TOMM20: variants seen among roughly 807,000 people sequenced by gnomAD.
TOMM20 encodes mitochondrial import receptor subunit TOM20 homolog.
A neutral mutation model predicts 22.1 loss-of-function variants in TOMM20; 10 were observed. That is an observed-to-expected ratio of 0.45 (90% confidence interval 0.28 to 0.77). The LOEUF (loss-of-function observed/expected upper bound fraction) is 0.77. Among genes scored for constraint, TOMM20 ranks in the 30% least tolerant of loss-of-function variants. The probability of loss-of-function intolerance (pLI) is 0.13; values close to 1 mark genes in which losing one functional copy is unlikely to be tolerated. For synonymous variants in TOMM20, 55 were observed against 61.4 expected, an observed-to-expected ratio of 0.90 and a Z score of 0.49; for missense variants, 121 against 172.2, an observed-to-expected ratio of 0.70 and a Z score of 1.66.
intron 4 of TOMM20, among the ~76,000 whole-genome samples, chr1:235,112,668 A>T (rs923467430): frequency 6.6e-6 from 1 of 152,156 alleles, no homozygotes; most frequent in Non-Finnish European, 1.5e-5. Flanking sequence ...CTAAAACCAA[A>T]AAGATTTTAA....
chr1:235,128,060 G>C, intron 1 of TOMM20: 1 of 344,888 alleles, frequency 2.9e-6, no homozygotes, highest in Non-Finnish European at 5.8e-6. Context: ...TGTAATCCCA[G>C]CTACTGGGGA....
rs560996637 is a variant in TOMM20, at chr1:235,126,368, T to G, written c.121+2227A>C. Among the ~76,000 whole-genome samples, 23 of 151,684 alleles carry G rather than the reference T, an allele frequency of 1.5e-4. 1 individual carries two copies. Among genetic ancestry groups the G allele is most frequent in the Admixed American group, 9.8e-4 (15 of 15,246 alleles). On this transcript the variant is annotated intron_variant, in intron 1 of 4. Coordinates refer to ENST00000366607, the MANE Select transcript of TOMM20 (RefSeq NM_014765.3). ...GGCTGCTTGAACTCCTGACATGAGG[T>G]GATCCGCCCACCTCGGCCTCCCAAA...
intron 2 of TOMM20, among the ~76,000 whole-genome samples, chr1:235,121,927 A>C (rs1660937907): frequency 6.6e-6 from 1 of 152,242 alleles, no homozygotes; most frequent in Admixed American, 6.5e-5. Context: ...AATAATCTTG[A>C]ATAATTTTTG....
intron 1 of TOMM20, among the ~76,000 whole-genome samples, chr1:235,125,238 G>A (rs1424605352): frequency 2.6e-5 from 4 of 151,706 alleles, no homozygotes; most frequent in South Asian, 2.1e-4. Flanking sequence ...TTTTTGAGAC[G>A]GAGTCTCGCT....
chr1:235,117,134 CAAAAAAAAAAAAAAA>C (rs869235889), intron 3 of TOMM20, among the ~76,000 whole-genome samples: 623 of 30,420 alleles, frequency 0.02, 8 homozygotes, highest in African/African-American at 0.066. Flanking sequence ...GACTCCATCT[CAAAAAAAAAAAAAAA>C]AAAAAAAAAA....
intron 3 of TOMM20, among the ~76,000 whole-genome samples, chr1:235,118,947 T>A (rs1341977303): frequency 1.3e-5 from 2 of 152,206 alleles, no homozygotes; most frequent in African/African-American, 2.4e-5. Context: ...AGGGGAGACG[T>A]GATAAAGTTA....
chr1:235,123,275 A>G (rs535394765), intron 1 of TOMM20, among the ~76,000 whole-genome samples: 11 of 152,330 alleles, frequency 7.2e-5, no homozygotes, highest in African/African-American at 2.6e-4. Flanking sequence ...TCACAAGGTC[A>G]GGAGTTCGAG....
At chr1:235,127,060 G>A (rs1019325940) in intron 1 of TOMM20, among the ~76,000 whole-genome samples, 2 of 152,200 alleles carry the variant, frequency 1.3e-5, no homozygotes, top group African/African-American at 4.8e-5. Flanking sequence ...GATAGCTCTT[G>A]TTTCTGCAAC....
chr1:235,127,350 C>T (rs1661041531), intron 1 of TOMM20, among the ~76,000 whole-genome samples: 1 of 152,218 alleles, frequency 6.6e-6, no homozygotes, highest in African/African-American at 2.4e-5. Context: ...ATGCCGCTAA[C>T]CTGGCCCTAG....
intron 1 of TOMM20, among the ~76,000 whole-genome samples, chr1:235,125,131 G>A (rs1429425802): frequency 6.6e-6 from 1 of 152,202 alleles, no homozygotes; most frequent in East Asian, 1.9e-4. Flanking sequence ...TTGCTAACAG[G>A]TGACAAAAAG....
chr1:235,113,909 A>C lies in TOMM20; in HGVS notation c.252T>G (p.Gly84=). The change falls in exon 4 of 5, where the codon GGT becomes GGG. Residue 84 remains glycine, a splice_region_variant and synonymous_variant. Transcript: ENST00000366607. ...IQLGEELLAQ[G]EYEKGVDHLT... ...GATGGTCTACGCCCTTCTCATATTC[A>C]CCTGTAAGATTTACATAAAATTACA... The C allele has an allele frequency of 6.4e-7, 1 of 1,566,944 alleles. No homozygotes were observed. The highest frequency in any genetic ancestry group is 8.7e-7 in the Non-Finnish European group (1 of 1,155,172).
In TOMM20 at chr1:235,112,108, T is replaced by C; in HGVS notation, c.394A>G (p.Arg132Gly). Residue 132 changes from arginine to glycine, a missense_variant and splice_region_variant, in exon 5 of 5, where the codon AGA (arginine) becomes GGA (glycine). By Grantham distance (125) the Arg-to-Gly change is moderately radical (BLOSUM62 -2). Transcript: ENST00000366607. ...GCCAAGCTCTGAGCACTTACAATTC[T>C]CTGAAAGAAAAAAAAAATAATTTTT... ...LLTKLPTISQRIVSAQSLAED... is the reference protein window; with the variant it reads ...LLTKLPTISQGIVSAQSLAED... The C allele has an allele frequency of 6.2e-7, 1 of 1,600,690 alleles. No individual in the cohort carries two copies. The highest frequency in any genetic ancestry group is 8.5e-7 in the Non-Finnish European group (1 of 1,174,710).
rs1660697531 is a variant in TOMM20 at position 235,109,386 on chromosome 1, G to A, written c.*2678C>T. The A allele has an allele frequency of 6.6e-6, 1 of 152,212 alleles. No homozygotes were observed. Among genetic ancestry groups the A allele is most frequent in the Admixed American group, 6.5e-5 (1 of 15,284 alleles). 9.4% of individuals were successfully genotyped at this position (152,212 alleles called of 1,614,324 possible). ...ATTCACTTAAACAGTTGAGGCACAA[G>A]CAATAATAAAACTGCATTTTTTACG... is the stretch of plus-strand genomic sequence containing the variant. On this transcript the variant is annotated 3_prime_UTR_variant, in exon 5 of 5. Coordinates refer to ENST00000366607, the MANE Select transcript of TOMM20 (RefSeq NM_014765.3).
At chr1:235,118,646 T>A (rs1553270849) in intron 3 of TOMM20, among the ~76,000 whole-genome samples, 1 of 152,194 alleles carries the variant, frequency 6.6e-6, no homozygotes, top group Non-Finnish European at 1.5e-5. Context: ...CCTACTTCAG[T>A]CTCTGAGTAG....
chr1:235,124,932 C>T (rs553190701), intron 1 of TOMM20, among the ~76,000 whole-genome samples: 46 of 152,246 alleles, frequency 3.0e-4, no homozygotes, highest in African/African-American at 1.1e-3. Context: ...AAAATCAAGC[C>T]TTGACTCAAT....
chr1:235,123,023 C>T (rs1254154724), intron 1 of TOMM20, among the ~76,000 whole-genome samples: 2 of 152,146 alleles, frequency 1.3e-5, no homozygotes, highest in Non-Finnish European at 2.9e-5. Context: ...GGCTCCAATA[C>T]TTATTATTAG....
chr1:235,114,306 T>C (rs1393712936), intron 3 of TOMM20, among the ~76,000 whole-genome samples: 2 of 152,122 alleles, frequency 1.3e-5, no homozygotes, highest in African/African-American at 2.4e-5. Context: ...CAAATCTTTG[T>C]ACTATTTGAA....
At chr1:235,113,705 T>A (rs1660779802) in intron 4 of TOMM20, 63 bp downstream of exon 4, 2 of 1,526,276 alleles carry the variant, frequency 1.3e-6, no homozygotes. Flanking sequence ...CATTTTAAAA[T>A]GTCCCTAATC....
At chr1:235,116,283 G>A (rs1364752376) in intron 3 of TOMM20, among the ~76,000 whole-genome samples, 2 of 152,078 alleles carry the variant, frequency 1.3e-5, no homozygotes, top group East Asian at 1.9e-4. Flanking sequence ...GTTCACGCCT[G>A]TAATCCCAGC....
Sources: gnomAD v4.1 joint callset for allele counts (sites outside exome capture counted in the v4.1 genomes callset) on GRCh38, gnomAD v4.1.1 for gene constraint, MANE v1.5 for transcripts, NCBI Gene and HGNC (gene_info 2026-07-23, HGNC 2026-07-21) for gene names.